ADD2: variants seen among roughly 807,000 people sequenced by gnomAD.
ADD2 encodes the protein adducin 2, also known as beta-adducin.
In ADD2, 23 loss-of-function variants were observed where a neutral mutation model predicts 83.0. The observed-to-expected ratio is 0.28, with a 90% CI of 0.20 to 0.39. The LOEUF (loss-of-function observed/expected upper bound fraction) is 0.39, where lower values mean the gene tolerates loss of function less well. ADD2 is among the 10% of genes least tolerant of loss of function. The pLI, the probability that ADD2 is intolerant of heterozygous loss-of-function variation, is 1.00. For synonymous variants in ADD2, 375 were observed against 375.4 expected, an observed-to-expected ratio of 1.00 and a Z score of 0.01; for missense variants, 758 against 944.9, an observed-to-expected ratio of 0.80 and a Z score of 2.59.
chr2:70,728,961 G>A (rs1352790275), intron 1 of ADD2, among the ~76,000 whole-genome samples: 6 of 152,206 alleles, frequency 3.9e-5, no homozygotes, highest in Admixed American at 6.5e-5. Context: ...GTTTTCCACC[G>A]GCAAACTCTC....
intron 1 of ADD2, among the ~76,000 whole-genome samples, chr2:70,764,106 T>C (rs1326988644): frequency 1.3e-5 from 2 of 151,788 alleles, no homozygotes; most frequent in Non-Finnish European, 1.5e-5. Flanking sequence ...CATGCTGGTC[T>C]CGAACTCCTG....
intron 1 of ADD2, among the ~76,000 whole-genome samples, chr2:70,735,757 C>T (rs1474843783): frequency 2.0e-5 from 3 of 150,986 alleles, no homozygotes; most frequent in South Asian, 2.1e-4. Flanking sequence ...AGTTTCACTC[C>T]GTCGCCCAGG....
chr2:70,753,554 C>G (rs546618285), intron 1 of ADD2, among the ~76,000 whole-genome samples: 1 of 151,912 alleles, frequency 6.6e-6, no homozygotes, highest in Admixed American at 6.6e-5. Context: ...AAGCAGGGGC[C>G]ACTCAACCCA....
At position 70,671,625 on chromosome 2, in the gene ADD2, G is replaced by T. The variant is rs562002450; in HGVS notation, c.1870+1253C>A. On this transcript the variant is annotated intron_variant, in intron 15 of 15. Transcript: ENST00000264436. ...CCTTTGATGAAGGCACAAATGGGAA[G>T]AGAAAGGAAGACATTGTGGAGACAG... Among the ~76,000 whole-genome samples, 4 of 152,328 alleles carry T rather than the reference G, an allele frequency of 2.6e-5. No individual in the cohort carries two copies. In the South Asian group the frequency reaches 8.3e-4, roughly 32 times the overall value.
At chr2:70,702,701 G>GA (rs77903261) in intron 4 of ADD2, among the ~76,000 whole-genome samples, 50,868 of 141,212 alleles carry the variant, frequency 0.36, 9,320 homozygotes, top group African/African-American at 0.5. Flanking sequence ...GGAGAAACTG[G>GA]AAAAAAAAAA....
At position 70,731,644 on chromosome 2, in the gene ADD2, C is replaced by T. The variant is rs1553379301; in HGVS notation, c.-153-18460G>A. Among the ~76,000 whole-genome samples the T allele has an allele frequency of 2.0e-5, 3 of 152,306 alleles. No individual in the cohort carries two copies. In the East Asian group the frequency reaches 5.8e-4, roughly 29 times the overall value. ...TGCAAGCAGAGGACACCTCAAGACC[C>T]TTCTAATCCCCTCATTTCCTCAAGG... is the stretch of plus-strand genomic sequence containing the variant. On this transcript the variant is annotated intron_variant, in intron 1 of 15. Coordinates refer to ENST00000264436, the MANE Select transcript of ADD2 (RefSeq NM_001617.4).
intron 2 of ADD2, among the ~76,000 whole-genome samples, chr2:70,710,300 T>C (rs1332262567): frequency 2.0e-5 from 3 of 152,180 alleles, no homozygotes; most frequent in Non-Finnish European, 4.4e-5. Context: ...AGGAAAAGGT[T>C]GACCCTCTCC....
At position 70,681,729 on chromosome 2, in the gene ADD2, GTTTCC is replaced by G. The variant is rs150435984; in HGVS notation, c.1125+1857_1125+1861del. ...GTAACCATATTATCTGTAAATAATA[GTTTCC>G]TTTCCTTTATAATATTTATACCTCT... On this transcript the variant is annotated intron_variant, in intron 10 of 15. Transcript: ENST00000264436. Among the ~76,000 whole-genome samples the G allele has an allele frequency of 6.4e-3, 969 of 151,616 alleles. 8 individuals are homozygous for G. Among genetic ancestry groups the G allele is most frequent in the African/African-American group, 0.022 (899 of 41,292 alleles).
intron 1 of ADD2, among the ~76,000 whole-genome samples, chr2:70,748,795 G>C (rs1674364591): frequency 6.6e-6 from 1 of 152,174 alleles, no homozygotes; most frequent in Non-Finnish European, 1.5e-5. Flanking sequence ...TTTGTAGAGA[G>C]GTAAGTCCCA....
At chr2:70,679,412 C>A (rs981136270) in intron 10 of ADD2, among the ~76,000 whole-genome samples, 2 of 152,192 alleles carry the variant, frequency 1.3e-5, no homozygotes, top group African/African-American at 2.4e-5. Context: ...AGCTTCCCAG[C>A]TGATTTAACA....
rs41310966 is a variant in ADD2, at chr2:70,675,209, C to T, written c.1594-384G>A. The T allele has an allele frequency of 3.8e-5, 38 of 1,013,196 alleles. No individual in the cohort carries two copies. The East Asian group carries it at 3.4e-3, about 91-fold the overall frequency. 62.8% of individuals were successfully genotyped at this position (1,013,196 alleles called of 1,614,324 possible). On this transcript the variant is annotated intron_variant, in intron 13 of 15. Transcript: ENST00000264436. ...CAAAGCCCAGCAAGCATAGCATTGG[C>T]TCAAGCAAGCTTCATGCCAGCCATT...
rs916499630 is a variant in ADD2, at chr2:70,661,787, C to T, written c.*1638G>A. The T allele has an allele frequency of 6.6e-6, 1 of 152,220 alleles. No individual in the cohort carries two copies. Among genetic ancestry groups the T allele is most frequent in the Non-Finnish European group, 1.5e-5 (1 of 68,054 alleles). The allele number at this position is 152,220 out of a possible 1,614,324, so 9.4% of individuals were successfully genotyped here. On this transcript the variant is annotated 3_prime_UTR_variant, in exon 16 of 16. Transcript: ENST00000264436. ...GACAAATCCTGGATGAAAACCACCA[C>T]CCCTGGGGATTAAAGTTGTCTGTTC...
rs185642625 is a variant in ADD2 at position 70,666,070 on chromosome 2, T to C, written c.1871-2335A>G. Among the ~76,000 whole-genome samples, 865 of 152,310 alleles carry C rather than the reference T, an allele frequency of 5.7e-3. 6 individuals are homozygous for C. The highest frequency in any genetic ancestry group is 0.02 in the African/African-American group (817 of 41,562). ...ACCTCGTGATCCGCCCACCTTGGCCTCCCAAAGTGCTGGGATTACAGGCGT... is the reference window on the plus strand; with the variant it reads ...ACCTCGTGATCCGCCCACCTTGGCCCCCCAAAGTGCTGGGATTACAGGCGT... On this transcript the variant is annotated intron_variant, in intron 15 of 15. Coordinates refer to ENST00000264436, the MANE Select transcript of ADD2 (RefSeq NM_001617.4).
chr2:70,691,327 C>CTCTTG (rs1166074304), intron 7 of ADD2, among the ~76,000 whole-genome samples: 1 of 152,110 alleles, frequency 6.6e-6, no homozygotes. Flanking sequence ...GAGTCCAGAT[C>CTCTTG]TCTTGGGGTA....
In ADD2 at chr2:70,678,936, C is replaced by T. The variant is rs782644174; in HGVS notation, c.1151G>A (p.Arg384His). 1.6e-5 allele frequency: 26 copies of T among 1,613,144 alleles called. No individual in the cohort carries two copies. Among genetic ancestry groups the T allele is most frequent in the East Asian group, 4.5e-5 (2 of 44,884 alleles). The change falls in exon 11 of 16, where the codon CGC becomes CAC. Residue 384 changes from arginine to histidine, a missense_variant. Around this residue, in one of 5 missense-constraint regions of ADD2, gnomAD observed 394 missense variants for 509.3 expected, o/e 0.77. Transcript: ENST00000264436. Reference protein sequence around the residue: ...NLGYRTGYTYRHPFVQEKTKH... With the variant: ...NLGYRTGYTYHHPFVQEKTKH... The stretch of plus-strand genomic sequence containing the variant: ...GGTTTTCTCTTGAACAAAGGGGTGG[C>T]GATACGTGTAACCTGTTCTGTAGCC...
At chr2:70,724,749 G>C (rs759728281) in intron 1 of ADD2, among the ~76,000 whole-genome samples, 43 of 152,230 alleles carry the variant, frequency 2.8e-4, no homozygotes, top group Non-Finnish European at 5.0e-4. Flanking sequence ...CACTGTACTA[G>C]GTGCCAGCCA....
chr2:70,678,900 C>G lies in ADD2; in HGVS notation c.1187G>C (p.Ser396Thr). 1.2e-6 allele frequency: 2 copies of G among 1,614,208 alleles called. No individual in the cohort carries two copies. The highest frequency in any genetic ancestry group is 1.7e-6 in the Non-Finnish European group (2 of 1,180,042). ...GACCGTGGCTGGAATCTCCACCTCA[C>G]TTTTGTGTTTGGTTTTCTCTTGAAC... ...PFVQEKTKHK[S>T]EVEIPATVTA... Residue 396 changes from serine (S) to threonine (T), a missense_variant, in exon 11 of 16, where the codon AGT (serine) becomes ACT (threonine). Ser to Thr is a moderately conservative substitution (Grantham distance 58, BLOSUM62 1). Around this residue, in one of 5 missense-constraint regions of ADD2, gnomAD observed 394 missense variants for 509.3 expected, o/e 0.77. Transcript: ENST00000264436.
intron 10 of ADD2, among the ~76,000 whole-genome samples, chr2:70,679,717 C>A (rs528285061): frequency 1.3e-5 from 2 of 151,670 alleles, no homozygotes; most frequent in Admixed American, 6.6e-5. Flanking sequence ...AAGGAAAAAA[C>A]GGAATTTTAT....
intron 1 of ADD2, among the ~76,000 whole-genome samples, chr2:70,749,980 A>G (rs530345067): frequency 1.3e-5 from 2 of 152,158 alleles, no homozygotes; most frequent in Middle Eastern, 3.2e-3. Context: ...ACACAGACAA[A>G]AGACTTTCCT....
Sources: allele counts gnomAD v4.1 joint callset (sites outside exome capture counted in the v4.1 genomes callset), GRCh38; gene constraint gnomAD v4.1.1; regional missense constraint gnomAD v4.1.1; transcripts MANE v1.5; gene names NCBI Gene and HGNC (gene_info 2026-07-23, HGNC 2026-07-21).